ARHGEF3: variants seen among roughly 807,000 people sequenced by gnomAD.
The protein encoded by ARHGEF3 is 59.8 kDA protein.
A neutral mutation model predicts 63.2 loss-of-function variants in ARHGEF3; 28 were observed. The ratio of observed to expected loss-of-function variants is 0.44; its 90% CI spans 0.33 to 0.61. ARHGEF3 has a LOEUF of 0.61. Among genes scored for constraint, ARHGEF3 ranks in the 20% least tolerant of loss-of-function variants. The probability of loss-of-function intolerance (pLI) is 0.03; values close to 1 mark genes in which losing one functional copy is unlikely to be tolerated. For synonymous variants in ARHGEF3, 266 were observed against 254.2 expected (o/e 1.05, Z -0.44); for missense variants, 533 against 659.3 (o/e 0.81, Z 2.10).
intron 2 of ARHGEF3, among the ~76,000 whole-genome samples, chr3:57,015,412 C>G (rs1702949516): frequency 6.6e-6 from 1 of 152,074 alleles, no homozygotes; most frequent in African/African-American, 2.4e-5. Flanking sequence ...TGTATGTGCT[C>G]TTACAATTTT....
At chr3:56,793,415 C>T (rs937745494) in intron 1 of ARHGEF3, among the ~76,000 whole-genome samples, 5 of 152,224 alleles carry the variant, frequency 3.3e-5, no homozygotes, top group Admixed American at 6.5e-5. Flanking sequence ...ATGATCCGCT[C>T]GCCTCGGCTG....
chr3:56,857,229 GT>G (rs1358697749), intron 4 of ARHGEF3, among the ~76,000 whole-genome samples: 1 of 152,118 alleles, frequency 6.6e-6, no homozygotes, highest in Non-Finnish European at 1.5e-5. Flanking sequence ...GCCACGGTGG[GT>G]TGCCTTCCTA....
At chr3:56,907,191 G>A (rs568971235) in intron 3 of ARHGEF3, among the ~76,000 whole-genome samples, 21 of 152,042 alleles carry the variant, frequency 1.4e-4, no homozygotes, top group Non-Finnish European at 2.2e-4. Flanking sequence ...ATGTTAGCTA[G>A]GCTGGTCTCA....
At chr3:57,046,121 A>T (rs1704441396) in intron 1 of ARHGEF3, among the ~76,000 whole-genome samples, 1 of 152,222 alleles carries the variant, frequency 6.6e-6, no homozygotes. Flanking sequence ...TTTACAATTC[A>T]CTGAAATCTA....
chr3:56,900,843 C>T (rs2041481420), intron 3 of ARHGEF3, among the ~76,000 whole-genome samples: 1 of 152,132 alleles, frequency 6.6e-6, no homozygotes, highest in African/African-American at 2.4e-5. Context: ...TGGGTTGTCA[C>T]CTGCTTTTTT....
At chr3:56,951,833 A>C (rs1699826877) in intron 3 of ARHGEF3, among the ~76,000 whole-genome samples, 1 of 151,998 alleles carries the variant, frequency 6.6e-6, no homozygotes, top group Admixed American at 6.6e-5. Context: ...TTCATACAAA[A>C]GAAAAGTTCC....
intron 3 of ARHGEF3, among the ~76,000 whole-genome samples, chr3:56,905,277 G>A (rs560460894): frequency 1.3e-5 from 2 of 152,210 alleles, no homozygotes; most frequent in Non-Finnish European, 2.9e-5. Context: ...CCCAGCCATC[G>A]CTTCCTTCTG....
intron 4 of ARHGEF3, among the ~76,000 whole-genome samples, chr3:56,850,841 T>A (rs2039653127): frequency 6.6e-6 from 1 of 152,166 alleles, no homozygotes; most frequent in Non-Finnish European, 1.5e-5. Flanking sequence ...CTAAATACTT[T>A]AAAAATATTA....
At chr3:56,825,903 C>T (rs1209575874) in intron 4 of ARHGEF3, among the ~76,000 whole-genome samples, 1 of 152,204 alleles carries the variant, frequency 6.6e-6, no homozygotes, top group Non-Finnish European at 1.5e-5. Flanking sequence ...AGCCTGCTAT[C>T]AGTTTCTTTG....
rs2036132207 is a variant in ARHGEF3 at position 56,773,747 on chromosome 3, T to C, written c.166A>G (p.Lys56Glu). The stretch of plus-strand genomic sequence containing the variant: ...CTGAAGCGCTTTAATGGCGTGGCCT[T>C]CACGGGCGGGATGAGGTTTGCTAGC... Reference protein sequence around the residue: ...TSLANLIPPVKATPLKRFSQT... With the variant: ...TSLANLIPPVEATPLKRFSQT... Residue 56 changes from lysine to glutamate, a missense_variant, in exon 2 of 10, where the codon AAG becomes GAG. Lys to Glu is a moderately conservative substitution (Grantham distance 56). This residue lies in a region of ARHGEF3 where 160 missense variants were observed against 157.3 expected (regional missense o/e 1.02). Coordinates refer to ENST00000296315, the MANE Select transcript of ARHGEF3 (RefSeq NM_019555.3). 1.1e-5 allele frequency: 18 copies of C among 1,601,620 alleles called. No homozygotes were observed. Among genetic ancestry groups the C allele is most frequent in the Non-Finnish European group, 1.5e-5 (18 of 1,175,352 alleles).
At chr3:56,803,580 T>C (rs2037755148), upstream of ARHGEF3, among the ~76,000 whole-genome samples, 1 of 152,224 alleles carries the variant, frequency 6.6e-6, no homozygotes, top group Admixed American at 6.5e-5. Flanking sequence ...GGCAGCAGTG[T>C]GGCTTGAGGC....
At chr3:56,934,825 G>A (rs565629854) in intron 3 of ARHGEF3, among the ~76,000 whole-genome samples, 38 of 152,302 alleles carry the variant, frequency 2.5e-4, no homozygotes, top group Middle Eastern at 3.4e-3. Context: ...CAGTCCCATC[G>A]ACCACCCAAG....
At chr3:56,956,210 G>A (rs1005527844) in intron 3 of ARHGEF3, among the ~76,000 whole-genome samples, 1 of 72,862 alleles carries the variant, frequency 1.4e-5, no homozygotes, top group Admixed American at 1.5e-4. Context: ...CCAGGGGCAG[G>A]GTTGGTGTTT....
chr3:56,939,605 G>A (rs1323537734), intron 3 of ARHGEF3, among the ~76,000 whole-genome samples: 1 of 152,038 alleles, frequency 6.6e-6, no homozygotes, highest in East Asian at 1.9e-4. Context: ...GATTCATCCC[G>A]AGGACTATTA....
chr3:57,013,961 G>A (rs1342780203), intron 2 of ARHGEF3, among the ~76,000 whole-genome samples: 2 of 152,176 alleles, frequency 1.3e-5, no homozygotes, highest in African/African-American at 4.8e-5. Flanking sequence ...GGGAAGTTTT[G>A]TTCCTCTGCT....
At position 56,754,988 on chromosome 3, in the gene ARHGEF3, C is replaced by T; in HGVS notation, c.368G>A (p.Arg123His). The change falls in exon 3 of 10, where the codon CGT becomes CAT. Residue 123 changes from arginine (R) to histidine (H), a missense_variant. By Grantham distance (29) the Arg-to-His change is conservative. Around this residue, in one of 4 missense-constraint regions of ARHGEF3, gnomAD observed 107 missense variants for 207.9 expected, o/e 0.51. Transcript: ENST00000296315. ...NQMLTSKEIK[R>H]QEAIFELSQG... Reference sequence around the variant, plus strand: ...CATGGGCCCCGAGCCTACCTCCTGACGTTTGATTTCCTTGGATGTAAGCAT... The same window carrying T: ...CATGGGCCCCGAGCCTACCTCCTGATGTTTGATTTCCTTGGATGTAAGCAT... 1 of 1,614,172 alleles carries T rather than the reference C, an allele frequency of 6.2e-7. No homozygotes were observed. The highest frequency in any genetic ancestry group is 8.5e-7 in the Non-Finnish European group (1 of 1,180,036).
intron 1 of ARHGEF3, among the ~76,000 whole-genome samples, chr3:56,782,309 G>T (rs990450431): frequency 3.9e-5 from 6 of 152,058 alleles, no homozygotes; most frequent in Non-Finnish European, 5.9e-5. Flanking sequence ...CAGAATTATT[G>T]GTTTTTAACC....
chr3:56,894,904 T>C (rs531413844), intron 3 of ARHGEF3, among the ~76,000 whole-genome samples: 1 of 152,314 alleles, frequency 6.6e-6, no homozygotes, highest in South Asian at 2.1e-4. Context: ...GGGATGAACT[T>C]TGAAGCAAAG....
intron 3 of ARHGEF3, among the ~76,000 whole-genome samples, chr3:56,909,560 T>C (rs2041799311): frequency 6.6e-6 from 1 of 152,246 alleles, no homozygotes; most frequent in Non-Finnish European, 1.5e-5. Context: ...TTGCTGTATC[T>C]GCCCAAGAGG....
Sources: gnomAD v4.1 joint callset for allele counts (sites outside exome capture counted in the v4.1 genomes callset) on GRCh38, gnomAD v4.1.1 for gene constraint, gnomAD v4.1.1 regional missense constraint, MANE v1.5 for transcripts, NCBI Gene and HGNC (gene_info 2026-07-23, HGNC 2026-07-21) for gene names.